ORC5: variants seen among roughly 807,000 people sequenced by gnomAD.
ORC5 encodes the protein protein phosphatase 1, regulatory subunit 117.
A neutral mutation model predicts 58.8 loss-of-function variants in ORC5; 39 were observed. The ratio of observed to expected loss-of-function variants is 0.66; its 90% CI spans 0.51 to 0.87. The LOEUF (loss-of-function observed/expected upper bound fraction) is 0.87, where lower values mean the gene tolerates loss of function less well. ORC5 is among the 40% of genes least tolerant of loss of function. The probability of loss-of-function intolerance (pLI) is 0.00; values close to 1 mark genes in which losing one functional copy is unlikely to be tolerated. For synonymous variants in ORC5, 218 were observed against 177.6 expected, an observed-to-expected ratio of 1.23 and a Z score of -1.81; for missense variants, 493 against 506.3, an observed-to-expected ratio of 0.97 and a Z score of 0.25.
chr7:104,128,493 G>A (rs1304210474), intron 13 of ORC5, among the ~76,000 whole-genome samples: 2 of 151,774 alleles, frequency 1.3e-5, no homozygotes, highest in East Asian at 1.9e-4. Context: ...GAAAGGAAAC[G>A]GATATAATAG....
chr7:104,182,849 C>T (rs1370383237), intron 8 of ORC5, among the ~76,000 whole-genome samples: 1 of 152,072 alleles, frequency 6.6e-6, no homozygotes, highest in East Asian at 1.9e-4. Flanking sequence ...CAAATTTCTG[C>T]AGTGACCGGG....
At position 104,207,906 on chromosome 7, in the gene ORC5, C is replaced by T; in HGVS notation, c.-2G>A. ...CACCACGTTTTCCAAGTGGGGCATT[C>T]TGGCAGGCACCACCGCAGAGGCCAG... On this transcript the variant is annotated 5_prime_UTR_variant, in exon 1 of 14. Transcript: ENST00000297431. The T allele has an allele frequency of 6.2e-7, 1 of 1,614,090 alleles. No individual in the cohort carries two copies. The highest frequency in any genetic ancestry group is 1.1e-5 in the South Asian group (1 of 91,076).
Position 104,193,769 on chromosome 7 carries a change from T to A in ORC5, c.553+1374A>T, listed in dbSNP as rs1046599628. On this transcript the variant is annotated intron_variant, in intron 5 of 13. Transcript: ENST00000297431. ...TGTAAAACCCCCTAAAATTTAATAA[T>A]CAGAATTTAACTTGGCTCCATTATT... 5.3e-5 allele frequency among the ~76,000 whole-genome samples: 8 copies of A among 151,168 alleles called. No homozygotes were observed. In the East Asian group the frequency reaches 1.5e-3, roughly 29 times the overall value.
intron 8 of ORC5, among the ~76,000 whole-genome samples, chr7:104,170,932 G>A (rs1426624520): frequency 6.6e-6 from 1 of 151,838 alleles, no homozygotes; most frequent in Non-Finnish European, 1.5e-5. Context: ...TTGTTCTCTT[G>A]ATTATTTTCA....
intron 5 of ORC5, among the ~76,000 whole-genome samples, chr7:104,192,226 T>C (rs1799691475): frequency 6.6e-6 from 1 of 152,124 alleles, no homozygotes; most frequent in South Asian, 2.1e-4. Flanking sequence ...AAAAAAGAGC[T>C]CCAGAAATCT....
intron 8 of ORC5, among the ~76,000 whole-genome samples, chr7:104,169,170 T>C (rs1205531992): frequency 4.6e-5 from 7 of 152,178 alleles, no homozygotes; most frequent in African/African-American, 1.7e-4. Context: ...TTAGATGCAA[T>C]TGTCATATAC....
chr7:104,168,379 T>C, intron 9 of ORC5, 94 bp downstream of exon 9: 1 of 1,531,640 alleles, frequency 6.5e-7, no homozygotes, highest in Non-Finnish European at 8.8e-7. Flanking sequence ...ATAACACTAT[T>C]TCCTGACTGA....
intron 12 of ORC5, among the ~76,000 whole-genome samples, chr7:104,141,745 T>C (rs992762921): frequency 1.3e-5 from 2 of 152,018 alleles, no homozygotes; most frequent in African/African-American, 2.4e-5. Context: ...GAATAAAACA[T>C]GTAAGAATAA....
chr7:104,192,708 CA>C (rs1799702506), intron 5 of ORC5, among the ~76,000 whole-genome samples: 1 of 151,084 alleles, frequency 6.6e-6, no homozygotes, highest in South Asian at 2.1e-4. Flanking sequence ...GGAACAAACC[CA>C]AAACAAAAGA....
chr7:104,161,040 G>A (rs1190488115), intron 12 of ORC5, 32 bp downstream of exon 12: 1 of 1,158,210 alleles, frequency 8.6e-7, no homozygotes, highest in African/African-American at 1.5e-5. Context: ...ATCCCACAAA[G>A]ATGACAGATA....
At chr7:104,180,708 C>T (rs991264614) in intron 8 of ORC5, among the ~76,000 whole-genome samples, 1 of 151,930 alleles carries the variant, frequency 6.6e-6, no homozygotes, top group African/African-American at 2.4e-5. Flanking sequence ...AGAAGCATTG[C>T]CAAATGGTAA....
At chr7:104,142,267 AC>A (rs1488397548) in intron 12 of ORC5, among the ~76,000 whole-genome samples, 1 of 152,202 alleles carries the variant, frequency 6.6e-6, no homozygotes, top group Non-Finnish European at 1.5e-5. Flanking sequence ...TAAATGTAAG[AC>A]ATGAAACAAT....
intron 8 of ORC5, among the ~76,000 whole-genome samples, chr7:104,176,917 T>C (rs546462797): frequency 1.9e-4 from 29 of 152,334 alleles, no homozygotes; most frequent in African/African-American, 6.7e-4. Context: ...TACAAAACTA[T>C]AAACTCAGCC....
chr7:104,142,925 T>C (rs891718809), intron 12 of ORC5, among the ~76,000 whole-genome samples: 3 of 152,102 alleles, frequency 2.0e-5, no homozygotes, highest in Non-Finnish European at 4.4e-5. Flanking sequence ...ACAAATTCAA[T>C]AGCCTTCCCA....
chr7:104,173,951 T>C (rs1322337546), intron 8 of ORC5, among the ~76,000 whole-genome samples: 1 of 149,478 alleles, frequency 6.7e-6, no homozygotes, highest in Non-Finnish European at 1.5e-5. Context: ...TTCACGCCAT[T>C]ATCCTGCCTC....
rs1023516098 is a variant in ORC5 at position 104,158,271 on chromosome 7, A to G, written c.1149+2801T>C. Among the ~76,000 whole-genome samples the G allele has an allele frequency of 7.2e-5, 11 of 152,292 alleles. No individual in the cohort carries two copies. The East Asian group carries it at 2.1e-3, about 29-fold the overall frequency. On this transcript the variant is annotated intron_variant, in intron 12 of 13. Transcript: ENST00000297431. ...ATGGTGCTGGGAAAACTGGCTAGCC[A>G]TATGTAGAAAGCTGAAACTGGATCC...
At chr7:104,152,761 T>C (rs999281514) in intron 12 of ORC5, among the ~76,000 whole-genome samples, 4 of 152,194 alleles carry the variant, frequency 2.6e-5, no homozygotes, top group East Asian at 3.8e-4. Flanking sequence ...AGTAAACTTA[T>C]TGGAAGTAAC....
At chr7:104,198,828 G>C (rs777483655) in intron 3 of ORC5, among the ~76,000 whole-genome samples, 2 of 152,218 alleles carry the variant, frequency 1.3e-5, no homozygotes, top group African/African-American at 4.8e-5. Context: ...TACAGGCCCA[G>C]AGGCCTAAGA....
chr7:104,152,042 C>G (rs1261943947), intron 12 of ORC5, among the ~76,000 whole-genome samples: 2 of 152,152 alleles, frequency 1.3e-5, no homozygotes, highest in African/African-American at 4.8e-5. Flanking sequence ...CAGGTGTGGC[C>G]AGTCTCCTTC....
Sources: gnomAD v4.1 joint callset for allele counts (sites outside exome capture counted in the v4.1 genomes callset) on GRCh38, gnomAD v4.1.1 for gene constraint, MANE v1.5 for transcripts, NCBI Gene and HGNC (gene_info 2026-07-23, HGNC 2026-07-21) for gene names.